Variants in METRNL observed in about 807,000 individuals in gnomAD.
METRNL encodes the protein meteorin like, glial cell differentiation regulator, also known as meteorin-like protein.
Under a neutral mutation model 17.4 loss-of-function variants are expected in METRNL, and 9 were observed. That is an observed-to-expected ratio of 0.52 (90% CI 0.31 to 0.90). The LOEUF is 0.90. METRNL is among the 40% of genes least tolerant of loss of function. The pLI is 0.05. For missense variants in METRNL, 408 were observed against 430.7 expected, an observed-to-expected ratio of 0.95 and a Z score of 0.47; for synonymous variants, 215 against 199.3, an observed-to-expected ratio of 1.08 and a Z score of -0.66.
chr17:83,085,505 G>T (rs964836835), intron 2 of METRNL, among the ~76,000 whole-genome samples, 182 bp downstream of exon 2: 1 of 152,184 alleles, frequency 6.6e-6, no homozygotes, highest in Non-Finnish European at 1.5e-5. Flanking sequence ...GGGGTTGGGG[G>T]ACACTGGCGC....
At chr17:83,081,509 C>T (rs1009428522) in intron 1 of METRNL, among the ~76,000 whole-genome samples, 12 of 152,178 alleles carry the variant, frequency 7.9e-5, no homozygotes, top group African/African-American at 2.4e-4. Flanking sequence ...GGGAGGCCAC[C>T]CCTCCACCTC....
At chr17:83,090,974 G>C (rs1267885908) in intron 2 of METRNL, among the ~76,000 whole-genome samples, 1 of 152,176 alleles carries the variant, frequency 6.6e-6, no homozygotes. Flanking sequence ...GGTGAACTAA[G>C]TGTCAAGGGT....
At chr17:83,082,602 C>G (rs1350596953) in intron 1 of METRNL, among the ~76,000 whole-genome samples, 2 of 152,220 alleles carry the variant, frequency 1.3e-5, no homozygotes, top group East Asian at 3.8e-4. Flanking sequence ...CTGCATCTCA[C>G]GTGAAAATCA....
At position 83,094,548 on chromosome 17, in the gene METRNL, G is replaced by A. The variant is rs369577606; in HGVS notation, c.909G>A (p.Leu303=). Residue 303 remains leucine, a synonymous_variant, in exon 4 of 4, where the codon CTG becomes CTA. Transcript: ENST00000320095. ...ACAGGGATGCCCAGGAGAGGGGGCT[G>A]AACCCTTGTGAGGTTGGCACGGACT... ...RMYRDAQERG[L]NPCEVGTD The A allele has an allele frequency of 2.0e-6, 3 of 1,505,198 alleles. No individual in the cohort carries two copies. The highest frequency in any genetic ancestry group is 2.7e-6 in the Non-Finnish European group (3 of 1,122,096). 93.2% of individuals were successfully genotyped at this position (1,505,198 alleles called of 1,614,324 possible).
intron 2 of METRNL, among the ~76,000 whole-genome samples, chr17:83,089,993 C>G (rs992373526): frequency 2.0e-5 from 3 of 152,016 alleles, no homozygotes; most frequent in African/African-American, 7.3e-5. Context: ...TCCATCCTCC[C>G]CCTCGGCCGT....
At chr17:83,083,544 G>A (rs979814495) in intron 1 of METRNL, among the ~76,000 whole-genome samples, 12 of 152,334 alleles carry the variant, frequency 7.9e-5, no homozygotes, top group Non-Finnish European at 1.5e-5. Context: ...GCTTGTGTGA[G>A]CTTTATGGGC....
At chr17:83,083,472 C>T (rs2038013398) in intron 1 of METRNL, among the ~76,000 whole-genome samples, 1 of 152,218 alleles carries the variant, frequency 6.6e-6, no homozygotes. Flanking sequence ...ATCAGCCACT[C>T]ACCGAGTCCA....
chr17:83,091,988 C>T (rs141748772), intron 2 of METRNL, among the ~76,000 whole-genome samples: 3 of 152,222 alleles, frequency 2.0e-5, no homozygotes, highest in African/African-American at 7.2e-5. Context: ...GTGGCCCGCC[C>T]ATCTAAGAAA....
In METRNL at chr17:83,085,035, A is replaced by G. The variant is rs2038033679; in HGVS notation, c.268A>G (p.Ile90Val). ...VEWMYPTGAL[I>V]VNLRPNTFSP... ...GTGGATGTACCCAACAGGTGCTCTC[A>G]TCGTTAACCTGCGGCCCAACACCTT... Residue 90 changes from isoleucine to valine, a missense_variant, in exon 2 of 4, where the codon ATC becomes GTC. Transcript: ENST00000320095. The G allele has an allele frequency of 1.2e-6, 2 of 1,613,474 alleles. No homozygotes were observed. The highest frequency in any genetic ancestry group is 1.7e-6 in the Non-Finnish European group (2 of 1,179,786).
chr17:83,081,929 T>C (rs1188372005), intron 1 of METRNL, among the ~76,000 whole-genome samples: 3 of 152,238 alleles, frequency 2.0e-5, no homozygotes, highest in Non-Finnish European at 2.9e-5. Flanking sequence ...TGTGACTTTT[T>C]ACCAGCTGTC....
chr17:83,081,434 G>C (rs1291687189), intron 1 of METRNL, among the ~76,000 whole-genome samples: 2 of 152,138 alleles, frequency 1.3e-5, no homozygotes, highest in Non-Finnish European at 2.9e-5. Flanking sequence ...GGGACTGTGT[G>C]CCCGGTAGGA....
chr17:83,094,286 A>T lies in METRNL; in HGVS notation c.647A>T (p.His216Leu). Residue 216 changes from histidine to leucine, a missense_variant, in exon 4 of 4, where the codon CAC (histidine) becomes CTC (leucine). His to Leu is a moderately conservative substitution (Grantham distance 99, BLOSUM62 -3). Coordinates refer to ENST00000320095, the MANE Select transcript of METRNL (RefSeq NM_001004431.3). ...CGAGGCTCCATCCAGCAAGTTACCC[A>T]CGAGCCTGAGCGGCAGGACTCAGCC... is the stretch of plus-strand genomic sequence containing the variant. ...AVRGSIQQVTHEPERQDSAIH... is the reference protein window; with the variant it reads ...AVRGSIQQVTLEPERQDSAIH... The T allele has an allele frequency of 6.3e-7, 1 of 1,585,048 alleles. No homozygotes were observed.
intron 2 of METRNL, chr17:83,092,275 G>A (rs1171317333): frequency 6.6e-6 from 1 of 152,332 alleles, no homozygotes; most frequent in East Asian, 1.9e-4. Context: ...GCCCTGCTGG[G>A]TGAGGCCCCA....
intron 1 of METRNL, among the ~76,000 whole-genome samples, chr17:83,081,271 A>G (rs1300686755): frequency 1.3e-5 from 2 of 152,046 alleles, no homozygotes; most frequent in Non-Finnish European, 2.9e-5. Context: ...GGAGTGATTC[A>G]GCCCCGGCTC....
chr17:83,080,658 C>A (rs1275042126), intron 1 of METRNL, among the ~76,000 whole-genome samples: 2 of 146,396 alleles, frequency 1.4e-5, no homozygotes, highest in African/African-American at 5.0e-5. Context: ...CGGCGCCGAC[C>A]GCGACTGCCC....
chr17:83,080,900 C>T (rs1019243415), intron 1 of METRNL, among the ~76,000 whole-genome samples: 1 of 150,914 alleles, frequency 6.6e-6, no homozygotes, highest in African/African-American at 2.4e-5. Context: ...CCGAGTCACG[C>T]GGTGATGTCG....
At chr17:83,092,094 C>T (rs1445297363) in intron 2 of METRNL, among the ~76,000 whole-genome samples, 2 of 152,188 alleles carry the variant, frequency 1.3e-5, no homozygotes, top group Admixed American at 6.5e-5. Context: ...GAGAAGCCTC[C>T]GTGCTTTCCG....
intron 2 of METRNL, among the ~76,000 whole-genome samples, chr17:83,091,265 T>C (rs1171868643): frequency 1.1e-5 from 1 of 88,928 alleles, no homozygotes; most frequent in African/African-American, 3.0e-5. Context: ...CAGCAGGCTG[T>C]GCAGTTTCTT....
At chr17:83,091,213 G>C (rs538883080) in intron 2 of METRNL, among the ~76,000 whole-genome samples, 2 of 151,724 alleles carry the variant, frequency 1.3e-5, no homozygotes, top group African/African-American at 4.8e-5. Context: ...GACCGGCCTC[G>C]AGGCGCCCCC....
Sources: allele counts gnomAD v4.1 joint callset (sites outside exome capture counted in the v4.1 genomes callset), GRCh38; gene constraint gnomAD v4.1.1; transcripts MANE v1.5; gene names NCBI Gene and HGNC (gene_info 2026-07-23, HGNC 2026-07-21).